Variants in CRADD observed in about 807,000 individuals in gnomAD.
CRADD encodes the protein CARD and death domain containing adaptor protein.
CRADD carries 9 observed loss-of-function variants against 15.5 expected under a neutral mutation model. The observed-to-expected ratio is 0.58, with a 90% CI of 0.35 to 1.01. The LOEUF (loss-of-function observed/expected upper bound fraction) is 1.01. Ranked by LOEUF, CRADD falls within the 50% of genes least tolerant of loss-of-function variation. The pLI is 0.02. For missense variants in CRADD, 227 were observed against 250.3 expected (o/e 0.91, Z 0.63); for synonymous variants, 118 against 107.6 (o/e 1.10, Z -0.60).
chr12:93,818,698 C>G (rs771278968), intron 2 of CRADD, among the ~76,000 whole-genome samples: 3 of 152,212 alleles, frequency 2.0e-5, no homozygotes, highest in Non-Finnish European at 4.4e-5. Flanking sequence ...CCCCAGACCC[C>G]TGGCAGGGAG....
chr12:93,696,809 G>T (rs932863499), intron 2 of CRADD, among the ~76,000 whole-genome samples: 1 of 151,814 alleles, frequency 6.6e-6, no homozygotes, highest in Non-Finnish European at 1.5e-5. Flanking sequence ...TGAAAATATA[G>T]TAGGACAACC....
intron 2 of CRADD, among the ~76,000 whole-genome samples, chr12:93,846,315 C>A (rs1379691369): frequency 1.3e-5 from 2 of 152,150 alleles, no homozygotes; most frequent in African/African-American, 4.8e-5. Context: ...ATTGCTGGAT[C>A]ATATGCTAAT....
At chr12:93,844,278 A>G (rs539712926) in intron 2 of CRADD, among the ~76,000 whole-genome samples, 2 of 152,248 alleles carry the variant, frequency 1.3e-5, no homozygotes, top group South Asian at 4.1e-4. Flanking sequence ...TTTATGTAGT[A>G]TATCCTTGAG....
At chr12:93,699,339 G>T (rs934907736) in intron 2 of CRADD, among the ~76,000 whole-genome samples, 1 of 152,150 alleles carries the variant, frequency 6.6e-6, no homozygotes, top group African/African-American at 2.4e-5. Flanking sequence ...AAGAGAAAAA[G>T]AATTAGATAA....
At chr12:93,749,640 A>G (rs1004616776) in intron 2 of CRADD, among the ~76,000 whole-genome samples, 1 of 152,182 alleles carries the variant, frequency 6.6e-6, no homozygotes, top group African/African-American at 2.4e-5. Context: ...ATCATCATTA[A>G]TTAAAGAATA....
At chr12:93,821,923 G>C (rs1360727923) in intron 2 of CRADD, among the ~76,000 whole-genome samples, 3 of 151,994 alleles carry the variant, frequency 2.0e-5, no homozygotes, top group Non-Finnish European at 2.9e-5. Context: ...TTCGAGACCA[G>C]CCTTGCCAAC....
chr12:93,833,135 G>A (rs756836458), intron 2 of CRADD, among the ~76,000 whole-genome samples: 7 of 152,170 alleles, frequency 4.6e-5, no homozygotes, highest in Non-Finnish European at 8.8e-5. Flanking sequence ...AATGCTAAGT[G>A]TTCATTATAA....
chr12:93,780,236 T>C (rs570488671), intron 2 of CRADD, among the ~76,000 whole-genome samples: 84 of 152,348 alleles, frequency 5.5e-4, no homozygotes, highest in Non-Finnish European at 1.1e-3. Context: ...CAAACTGGAA[T>C]GTGTAACATA....
chr12:93,804,876 G>C, intron 2 of CRADD, among the ~76,000 whole-genome samples: 1 of 152,044 alleles, frequency 6.6e-6, no homozygotes, highest in Admixed American at 6.6e-5. Context: ...GTCTGACCTT[G>C]CATTACCCTC....
intron 2 of CRADD, chr12:93,737,666 A>T (rs1196351928): frequency 6.6e-6 from 1 of 152,210 alleles, no homozygotes; most frequent in Non-Finnish European, 1.5e-5. Context: ...GAATCAATAT[A>T]GTAGCCAGAA....
chr12:93,705,204 T>C (rs1955920841), intron 2 of CRADD, among the ~76,000 whole-genome samples: 1 of 152,242 alleles, frequency 6.6e-6, no homozygotes, highest in Non-Finnish European at 1.5e-5. Context: ...TCAATAATTA[T>C]GTGTTGAGCA....
chr12:93,709,476 C>G (rs1315167247), intron 2 of CRADD, among the ~76,000 whole-genome samples: 1 of 152,138 alleles, frequency 6.6e-6, no homozygotes, highest in African/African-American at 2.4e-5. Flanking sequence ...TATGTTCTTA[C>G]CATTCAGCTC....
chr12:93,738,660 G>A lies in CRADD; in HGVS notation c.298+59588G>A, dbSNP rs1056992935. ...AACCTTTGGTTATTCTTTTTTGTGC[G>A]TAAAGTGTCAACCTCCTGTTTTATT... On this transcript the variant is annotated intron_variant, in intron 2 of 2. Transcript: ENST00000332896. The A allele has an allele frequency of 2.7e-5, 14 of 525,842 alleles. No homozygotes were observed. In the South Asian group the frequency reaches 2.9e-4, roughly 11 times the overall value. The allele number at this position is 525,842 out of a possible 1,614,324, so 32.6% of individuals were successfully genotyped here.
intron 2 of CRADD, among the ~76,000 whole-genome samples, chr12:93,690,046 A>G (rs1171680065): frequency 6.6e-6 from 1 of 152,246 alleles, no homozygotes. Context: ...TGGGTAGTTC[A>G]CAACTTTGAA....
intron 2 of CRADD, among the ~76,000 whole-genome samples, chr12:93,762,734 C>T (rs865997012): frequency 6.6e-6 from 1 of 152,174 alleles, no homozygotes; most frequent in Non-Finnish European, 1.5e-5. Flanking sequence ...TCCTTTCCTA[C>T]AAACCCTTCC....
At chr12:93,842,758 C>T (rs1245997290) in intron 2 of CRADD, among the ~76,000 whole-genome samples, 1 of 131,198 alleles carries the variant, frequency 7.6e-6, no homozygotes, top group Non-Finnish European at 1.5e-5. Context: ...TTTTCATTCA[C>T]GTAGTGACCA....
chr12:93,726,747 A>AG (rs1956374066), intron 2 of CRADD, among the ~76,000 whole-genome samples: 1 of 152,022 alleles, frequency 6.6e-6, no homozygotes, highest in African/African-American at 2.4e-5. Flanking sequence ...TGGTAGCAGG[A>AG]AAGAACAAGT....
intron 2 of CRADD, among the ~76,000 whole-genome samples, chr12:93,791,803 A>G (rs1167141950): frequency 6.6e-6 from 1 of 152,096 alleles, no homozygotes; most frequent in Non-Finnish European, 1.5e-5. Context: ...AAATAGATAC[A>G]ATTATTATTT....
intron 2 of CRADD, among the ~76,000 whole-genome samples, chr12:93,684,187 T>C (rs117571246): frequency 2.6e-5 from 4 of 152,188 alleles, no homozygotes; most frequent in Non-Finnish European, 2.9e-5. Flanking sequence ...ATTTGCTGAG[T>C]CTTGACCATG....
Sources: allele counts gnomAD v4.1 joint callset (sites outside exome capture counted in the v4.1 genomes callset), GRCh38; gene constraint gnomAD v4.1.1; transcripts MANE v1.5; gene names NCBI Gene and HGNC (gene_info 2026-07-23, HGNC 2026-07-21).